The following NLN variants were observed in gnomAD, a reference collection of about 807,000 sequenced individuals.
NLN encodes the protein neurolysin, mitochondrial.
A neutral mutation model predicts 79.9 loss-of-function variants in NLN; 64 were observed. The ratio of observed to expected loss-of-function variants is 0.80; its 90% confidence interval spans 0.65 to 0.99. The LOEUF is 0.99. Among genes scored for constraint, NLN ranks in the 50% least tolerant of loss-of-function variants. NLN has a pLI of 0.00. For synonymous variants in NLN, 267 were observed against 296.6 expected (o/e 0.90, Z 1.02); for missense variants, 835 against 858.7 (o/e 0.97, Z 0.34).
intron 7 of NLN, among the ~76,000 whole-genome samples, chr5:65,787,234 CTT>C (rs1057326041): frequency 2.0e-5 from 3 of 148,802 alleles, no homozygotes; most frequent in African/African-American, 5.2e-5. Context: ...CTCTCTCTCT[CTT>C]TATATATATA....
In NLN at chr5:65,824,105, A is replaced by G. The variant is rs960030627; in HGVS notation, c.*1190A>G. The G allele has an allele frequency of 6.6e-6, 1 of 152,084 alleles. No individual in the cohort carries two copies. The highest frequency in any genetic ancestry group is 1.5e-5 in the Non-Finnish European group (1 of 67,998). 9.4% of individuals were successfully genotyped at this position (152,084 alleles called of 1,614,324 possible). A position where few individuals can be genotyped will look rare whatever the true frequency, so the allele number is the denominator to read the frequency against. On this transcript the variant is annotated 3_prime_UTR_variant, in exon 13 of 13. Coordinates refer to ENST00000380985, the MANE Select transcript of NLN (RefSeq NM_020726.5). ...AACTCACAGTATTTTTCCTGTGGAA[A>G]TCTATTCAATAAGGAAACCAAGACA...
chr5:65,722,562 C>T (rs1758340173), intron 1 of NLN, 148 bp downstream of exon 1: 1 of 700,910 alleles, frequency 1.4e-6, no homozygotes, highest in Non-Finnish European at 2.2e-6. Flanking sequence ...AGGTGGACCC[C>T]TGGGGGACAC....
At chr5:65,722,612 C>G (rs1758342993) in intron 1 of NLN, 198 bp downstream of exon 1, 1 of 538,828 alleles carries the variant, frequency 1.9e-6, no homozygotes. Context: ...CGCCTCCGCT[C>G]CCTCGGGAGG....
At chr5:65,739,004 ATATATATT>A (rs1259422207) in intron 1 of NLN, among the ~76,000 whole-genome samples, 1 of 94,074 alleles carries the variant, frequency 1.1e-5, no homozygotes, top group Admixed American at 9.7e-5. Flanking sequence ...ATATTTTATA[ATATATATT>A]TATATATATA....
At chr5:65,758,436 C>T in intron 1 of NLN, 131 bp from the exon 2 acceptor site, 1 of 590,150 alleles carries the variant, frequency 1.7e-6, no homozygotes, top group Non-Finnish European at 2.9e-6. Flanking sequence ...ATGTGTTCAC[C>T]TGAGAGTATT....
At chr5:65,766,403 C>T (rs1391639916) in intron 3 of NLN, among the ~76,000 whole-genome samples, 2 of 152,158 alleles carry the variant, frequency 1.3e-5, no homozygotes, top group Non-Finnish European at 2.9e-5. Flanking sequence ...GCACCAGACA[C>T]TTATCAAACA....
At position 65,796,297 on chromosome 5, in the gene NLN, C is replaced by T. The variant is rs535402534; in HGVS notation, c.1527+3642C>T. Among the ~76,000 whole-genome samples, 3 of 152,312 alleles carry T rather than the reference C, an allele frequency of 2.0e-5. No homozygotes were observed. In the South Asian group the frequency reaches 6.2e-4, roughly 32 times the overall value. Reference sequence around the variant, plus strand: ...CTTACCATGTATTCCATCAGTTCTCCACAACTCATTCCATTGTTCCCATTA... The same window carrying T: ...CTTACCATGTATTCCATCAGTTCTCTACAACTCATTCCATTGTTCCCATTA... On this transcript the variant is annotated intron_variant, in intron 9 of 12. Transcript: ENST00000380985.
In NLN at chr5:65,780,291, AT is replaced by A; in HGVS notation, c.661+12del. The A allele has an allele frequency of 8.9e-7, 1 of 1,128,430 alleles. No individual in the cohort carries two copies. Among genetic ancestry groups the A allele is most frequent in the Non-Finnish European group, 1.3e-6 (1 of 770,636 alleles). 69.9% of individuals were successfully genotyped at this position (1,128,430 alleles called of 1,614,324 possible). ...TCCAAGGCTGAACTTGGTAAGTTTT[AT>A]TATTTTTCTAGATTAAATCATATAA... is the stretch of plus-strand genomic sequence containing the variant. On this transcript the variant is annotated intron_variant, in intron 5 of 12. Transcript: ENST00000380985.
chr5:65,794,641 G>A (rs909999249), intron 9 of NLN, among the ~76,000 whole-genome samples: 2 of 152,064 alleles, frequency 1.3e-5, no homozygotes, highest in African/African-American at 4.8e-5. Context: ...AATATGTACA[G>A]TGGGGTTAGT....
chr5:65,828,041 T>A lies in NLN; in HGVS notation c.*5126T>A, dbSNP rs1277401569. The A allele has an allele frequency of 6.6e-6, 1 of 152,102 alleles. No homozygotes were observed. Among genetic ancestry groups the A allele is most frequent in the Non-Finnish European group, 1.5e-5 (1 of 68,014 alleles). The allele number at this position is 152,102 out of a possible 1,614,324, so 9.4% of individuals were successfully genotyped here. ...TCAAAAGTAAAAAAATAATAATGTTTAAAAATATTTCAATGTGGAGACAAG... is the reference window on the plus strand; with the variant it reads ...TCAAAAGTAAAAAAATAATAATGTTAAAAAATATTTCAATGTGGAGACAAG... On this transcript the variant is annotated 3_prime_UTR_variant, in exon 13 of 13. Transcript: ENST00000380985.
In NLN at chr5:65,788,305, A is replaced by G. The variant is rs774292453; in HGVS notation, c.1146A>G (p.Glu382=). The G allele has an allele frequency of 1.2e-6, 2 of 1,614,038 alleles. No homozygotes were observed. Among genetic ancestry groups the G allele is most frequent in the Non-Finnish European group, 1.7e-6 (2 of 1,179,878 alleles). Residue 382 remains glutamate, a synonymous_variant, in exon 8 of 13, where the codon GAA becomes GAG. Transcript: ENST00000380985. ...KYSIDQEFLK[E]YFPIEVVTEG... is the part of the protein sequence containing the mutation. ...CCATAGACCAAGAGTTCCTCAAGGA[A>G]TACTTCCCAATTGAGGTGGTCACTG...
In NLN at chr5:65,812,299, G is replaced by A. The variant is rs947442173; in HGVS notation, c.1888G>A (p.Asp630Asn). The part of the protein sequence containing the change: ...ATFGHLAGGY[D>N]GQYYGYLWSE... ...CTTTGGACATTTGGCAGGGGGATAC[G>A]ATGGCCAATATTATGGATATCTTTG... The change falls in exon 12 of 13, where the codon GAT (aspartate) becomes AAT (asparagine). Residue 630 changes from aspartate (D) to asparagine (N), a missense_variant. Transcript: ENST00000380985. The A allele has an allele frequency of 4.3e-6, 7 of 1,610,618 alleles. No individual in the cohort carries two copies. The highest frequency in any genetic ancestry group is 2.7e-5 in the African/African-American group (2 of 74,828).
At chr5:65,769,071 C>A (rs1205651021) in intron 3 of NLN, among the ~76,000 whole-genome samples, 1 of 152,216 alleles carries the variant, frequency 6.6e-6, no homozygotes, top group East Asian at 1.9e-4. Context: ...ACTCAGTGCT[C>A]CAACATGAGT....
chr5:65,734,574 G>A (rs1426852284), intron 1 of NLN, among the ~76,000 whole-genome samples: 1 of 151,582 alleles, frequency 6.6e-6, no homozygotes, highest in Non-Finnish European at 1.5e-5. Context: ...TGCCCATTCT[G>A]CCCACTCTGA....
In NLN at chr5:65,732,392, A is replaced by C. The variant is rs1309203495; in HGVS notation, c.41+9978A>C. Among the ~76,000 whole-genome samples the C allele has an allele frequency of 6.4e-5, 9 of 139,698 alleles. 1 individual carries two copies. The highest frequency in any genetic ancestry group is 1.4e-4 in the Non-Finnish European group (9 of 63,242). The allele number at this position is 139,698 out of a possible 152,430, so 91.6% of individuals were successfully genotyped here. Reference sequence around the variant, plus strand: ...TTTTTAGGAAGTGTGTTTGAAGTTAATATGATGAAACTTACACTTCATATA... The same window carrying C: ...TTTTTAGGAAGTGTGTTTGAAGTTACTATGATGAAACTTACACTTCATATA... On this transcript the variant is annotated intron_variant, in intron 1 of 12. Transcript: ENST00000380985.
intron 1 of NLN, among the ~76,000 whole-genome samples, chr5:65,731,751 T>TTC (rs1480041769): frequency 8.7e-6 from 1 of 114,646 alleles, no homozygotes; most frequent in Non-Finnish European, 1.9e-5. Context: ...TCTTTTTTTT[T>TTC]TTTTTTTTTT....
chr5:65,808,745 A>G (rs906397809), intron 9 of NLN, among the ~76,000 whole-genome samples: 7 of 152,162 alleles, frequency 4.6e-5, no homozygotes, highest in South Asian at 2.1e-4. Flanking sequence ...ACTTTTGAAT[A>G]CATCCGTTGT....
At position 65,822,787 on chromosome 5, in the gene NLN, A is replaced by G; in HGVS notation, c.1987A>G (p.Met663Val). ...KEGIMNPEVG[M>V]KYRNLILKPG... ...TGATGTTTTATTTTATTAGGTTGGAATGAAATACAGAAACCTAATCCTGAA... is the reference window on the plus strand; with the variant it reads ...TGATGTTTTATTTTATTAGGTTGGAGTGAAATACAGAAACCTAATCCTGAA... Residue 663 changes from methionine to valine, a missense_variant, in exon 13 of 13, where the codon ATG becomes GTG. Met to Val is a conservative substitution (Grantham distance 21). Coordinates refer to ENST00000380985, the MANE Select transcript of NLN (RefSeq NM_020726.5). The G allele has an allele frequency of 1.9e-6, 3 of 1,610,524 alleles. No individual in the cohort carries two copies. Among genetic ancestry groups the G allele is most frequent in the South Asian group, 1.1e-5 (1 of 91,006 alleles).
intron 9 of NLN, among the ~76,000 whole-genome samples, chr5:65,798,613 T>A (rs1760218032): frequency 6.6e-6 from 1 of 152,230 alleles, no homozygotes; most frequent in East Asian, 1.9e-4. Context: ...CCCCAACTCC[T>A]GCACACTGTT....
Sources: gnomAD v4.1 joint callset for allele counts (sites outside exome capture counted in the v4.1 genomes callset) on GRCh38, gnomAD v4.1.1 for gene constraint, MANE v1.5 for transcripts, NCBI Gene and HGNC (gene_info 2026-07-23, HGNC 2026-07-21) for gene names.